PARD3B: variants seen among roughly 807,000 people sequenced by gnomAD.
PARD3B encodes partitioning defective 3 homolog B.
Under a neutral mutation model 130.2 loss-of-function variants are expected in PARD3B, and 103 were observed. The observed-to-expected ratio is 0.79, with a 90% CI of 0.67 to 0.93. PARD3B has a LOEUF of 0.93. Among genes scored for constraint, PARD3B ranks in the 40% least tolerant of loss-of-function variants. The pLI, the probability that PARD3B is intolerant of heterozygous loss-of-function variation, is 0.00. For synonymous variants in PARD3B, 583 were observed against 553.2 expected (o/e 1.05, Z -0.76); for missense variants, 1,609 against 1,499.2 (o/e 1.07, Z -1.21).
chr2:204,617,295 C>T (rs996545289), intron 1 of PARD3B, among the ~76,000 whole-genome samples: 5 of 152,198 alleles, frequency 3.3e-5, no homozygotes, highest in Non-Finnish European at 5.9e-5. Context: ...CCTCCTTTAG[C>T]CTGTGACTGT....
intron 2 of PARD3B, among the ~76,000 whole-genome samples, chr2:204,761,655 A>G (rs150908471): frequency 6.6e-6 from 1 of 152,146 alleles, no homozygotes; most frequent in East Asian, 1.9e-4. Flanking sequence ...TTACCATGAT[A>G]TCTTCAATTA....
intron 21 of PARD3B, among the ~76,000 whole-genome samples, chr2:205,529,568 G>A (rs543779276): frequency 6.6e-6 from 1 of 151,916 alleles, no homozygotes; most frequent in African/African-American, 2.4e-5. Context: ...CTGCCCTTTG[G>A]GAATTGAGAC....
At chr2:205,296,160 C>T (rs564098883) in intron 16 of PARD3B, among the ~76,000 whole-genome samples, 2 of 152,260 alleles carry the variant, frequency 1.3e-5, no homozygotes, top group East Asian at 1.9e-4. Flanking sequence ...GCCAGGCACC[C>T]TTCTATGCTT....
chr2:205,471,484 C>T (rs2048832467), intron 20 of PARD3B, among the ~76,000 whole-genome samples: 1 of 151,654 alleles, frequency 6.6e-6, no homozygotes, highest in East Asian at 2.0e-4. Flanking sequence ...GCCTCAGCCT[C>T]CTGAGTAGCT....
intron 18 of PARD3B, among the ~76,000 whole-genome samples, chr2:205,358,288 T>C (rs1035036229): frequency 1.3e-5 from 2 of 152,198 alleles, no homozygotes; most frequent in African/African-American, 4.8e-5. Flanking sequence ...TACTCAAAGA[T>C]CCCCACAGAA....
chr2:205,491,885 A>G (rs1001644986), intron 20 of PARD3B, among the ~76,000 whole-genome samples: 17 of 152,296 alleles, frequency 1.1e-4, no homozygotes, highest in African/African-American at 3.8e-4. Flanking sequence ...ATCCAGGTCA[A>G]AATGCCACAG....
intron 18 of PARD3B, among the ~76,000 whole-genome samples, chr2:205,311,928 A>T (rs1198683642): frequency 1.3e-5 from 2 of 152,144 alleles, no homozygotes; most frequent in African/African-American, 4.8e-5. Context: ...TGGACTTGGT[A>T]TTCTTAATGC....
intron 1 of PARD3B, among the ~76,000 whole-genome samples, chr2:204,652,522 C>A (rs112544701): frequency 0.019 from 2,840 of 152,316 alleles, 42 homozygotes; most frequent in Middle Eastern, 0.071. Flanking sequence ...TGGTCAAAAC[C>A]ATTCAACAAG....
rs542347793 is a variant in PARD3B, at chr2:205,365,342, C to T, written c.2631-35671C>T. ...GCCAAGATTGCCCAAGATCGCACCACTGCCCTCCAGCCTGGGCAACAGAGC... is the reference window on the plus strand; with the variant it reads ...GCCAAGATTGCCCAAGATCGCACCATTGCCCTCCAGCCTGGGCAACAGAGC... On this transcript the variant is annotated intron_variant, in intron 18 of 22. Transcript: ENST00000406610. 2.4e-4 allele frequency among the ~76,000 whole-genome samples: 37 copies of T among 151,430 alleles called. No individual in the cohort carries two copies. In the South Asian group the frequency reaches 7.8e-3, roughly 32 times the overall value.
At chr2:204,854,385 G>A (rs951358654) in intron 2 of PARD3B, among the ~76,000 whole-genome samples, 3 of 152,114 alleles carry the variant, frequency 2.0e-5, no homozygotes, top group African/African-American at 7.2e-5. Flanking sequence ...TAAAGACAAG[G>A]ATTTTCCTGA....
intron 2 of PARD3B, among the ~76,000 whole-genome samples, chr2:204,885,240 CT>C (rs2046229862): frequency 1.3e-5 from 2 of 152,122 alleles, no homozygotes. Flanking sequence ...TGATGTTGAG[CT>C]TTTTTCATCT....
At chr2:205,403,152 A>C (rs1470372346) in intron 19 of PARD3B, among the ~76,000 whole-genome samples, 2 of 152,208 alleles carry the variant, frequency 1.3e-5, no homozygotes, top group African/African-American at 4.8e-5. Flanking sequence ...CTTTTCTCCT[A>C]ATATGTTTGA....
chr2:205,093,712 A>T (rs576913168), intron 4 of PARD3B, among the ~76,000 whole-genome samples: 25 of 152,278 alleles, frequency 1.6e-4, no homozygotes, highest in African/African-American at 6.0e-4. Flanking sequence ...ATTGATAACC[A>T]ATAGATTATT....
chr2:205,560,940 T>C (rs1374893697), intron 22 of PARD3B, among the ~76,000 whole-genome samples: 1 of 152,228 alleles, frequency 6.6e-6, no homozygotes, highest in Non-Finnish European at 1.5e-5. Context: ...TCAGAAGAAA[T>C]ACGCCATAAG....
chr2:205,141,591 T>C (rs906864999), intron 10 of PARD3B, among the ~76,000 whole-genome samples: 6 of 152,192 alleles, frequency 3.9e-5, no homozygotes, highest in African/African-American at 1.4e-4. Context: ...AAATGTAAGA[T>C]CTTAGAAACA....
chr2:204,632,203 C>T (rs2034702914), intron 1 of PARD3B, among the ~76,000 whole-genome samples: 1 of 152,108 alleles, frequency 6.6e-6, no homozygotes, highest in South Asian at 2.1e-4. Flanking sequence ...TGCTCCTGCT[C>T]CCACCATGTC....
At chr2:205,018,746 A>AAAAAAAAAAAC (rs1696358857) in intron 3 of PARD3B, among the ~76,000 whole-genome samples, 1 of 148,416 alleles carries the variant, frequency 6.7e-6, no homozygotes, top group Non-Finnish European at 1.5e-5. Context: ...AAAAAAAAAA[A>AAAAAAAAAAAC]AAAAGCACGC....
chr2:205,595,864 T>G (rs61032988), intron 22 of PARD3B, among the ~76,000 whole-genome samples: 3,437 of 151,958 alleles, frequency 0.023, 123 homozygotes, highest in African/African-American at 0.078. Context: ...TGAGAGTAGG[T>G]CATGGGAGGG....
chr2:205,234,793 A>T (rs1046108339), intron 15 of PARD3B, among the ~76,000 whole-genome samples: 3 of 152,222 alleles, frequency 2.0e-5, no homozygotes, highest in African/African-American at 7.2e-5. Context: ...CTGGACTATT[A>T]AAAAGTCTTA....
Sources: allele counts gnomAD v4.1 joint callset (sites outside exome capture counted in the v4.1 genomes callset), GRCh38; gene constraint gnomAD v4.1.1; transcripts MANE v1.5; gene names NCBI Gene and HGNC (gene_info 2026-07-23, HGNC 2026-07-21).